ZNF678: variants seen among roughly 807,000 people sequenced by gnomAD.
The protein encoded by ZNF678 is zinc finger protein 678, also known as hypothetical protein MGC42493.
Under a neutral mutation model 3.0 loss-of-function variants are expected in ZNF678, and 5 were observed. The observed-to-expected ratio is 1.69, with a 90% CI of 0.88 to 3.56. The LOEUF is 3.56. Among genes scored for constraint, ZNF678 ranks in the 30% most tolerant of loss-of-function variants. The probability of loss-of-function intolerance (pLI) is 0.00; values close to 1 mark genes in which losing one functional copy is unlikely to be tolerated. For synonymous variants in ZNF678, 218 were observed against 199.6 expected (o/e 1.09, Z -0.78); for missense variants, 593 against 605.0 (o/e 0.98, Z 0.21).
At chr1:227,625,188 C>A (rs1354377714) in intron 1 of ZNF678, among the ~76,000 whole-genome samples, 2 of 152,154 alleles carry the variant, frequency 1.3e-5, no homozygotes, top group Admixed American at 6.5e-5. Context: ...TTACAAGCCC[C>A]GTGTTTAAAG....
intron 5 of ZNF678, among the ~76,000 whole-genome samples, chr1:227,671,935 C>G (rs1558164919): frequency 1.3e-5 from 2 of 152,114 alleles, no homozygotes; most frequent in Non-Finnish European, 2.9e-5. Flanking sequence ...AAAAGAGGTG[C>G]TTGCAGAGGA....
At chr1:227,592,347 A>G (rs1657438603) in intron 1 of ZNF678, among the ~76,000 whole-genome samples, 1 of 152,230 alleles carries the variant, frequency 6.6e-6, no homozygotes, top group African/African-American at 2.4e-5. Context: ...TTGTGCTAAC[A>G]GGGCCATTGC....
At position 227,656,502 on chromosome 1, in the gene ZNF678, A is replaced by G. The variant is rs1273318925; in HGVS notation, c.*674A>G. The G allele has an allele frequency of 1.3e-5, 2 of 151,834 alleles. No individual in the cohort carries two copies. Among genetic ancestry groups the G allele is most frequent in the Non-Finnish European group, 2.9e-5 (2 of 67,826 alleles). 9.4% of individuals were successfully genotyped at this position (151,834 alleles called of 1,614,324 possible). A position where few individuals can be genotyped will look rare whatever the true frequency, so the allele number is the denominator to read the frequency against. ...TTATATTTATTGTTTATGTTAAAGT[A>G]TGTGGTCAGTTGTTGCTGCATAAGA... On this transcript the variant is annotated 3_prime_UTR_variant, in exon 4 of 4. Transcript: ENST00000343776.
At chr1:227,579,861 CT>C (rs1189418978) in intron 1 of ZNF678, among the ~76,000 whole-genome samples, 1 of 152,212 alleles carries the variant, frequency 6.6e-6, no homozygotes, top group East Asian at 1.9e-4. Flanking sequence ...AAGTCTCCTA[CT>C]GGAGCAAGTT....
chr1:227,609,756 C>CAG (rs1657968075), intron 1 of ZNF678, among the ~76,000 whole-genome samples: 1 of 150,718 alleles, frequency 6.6e-6, no homozygotes, highest in African/African-American at 2.4e-5. Context: ...CTCTTTGAGA[C>CAG]AGAGCCTCAC....
At position 227,655,859 on chromosome 1, in the gene ZNF678, T is replaced by G. The variant is rs1484314648; in HGVS notation, c.*31T>G. The G allele has an allele frequency of 6.5e-7, 1 of 1,527,526 alleles. No homozygotes were observed. The highest frequency in any genetic ancestry group is 2.2e-5 in the Admixed American group (1 of 45,510). 94.6% of individuals were successfully genotyped at this position (1,527,526 alleles called of 1,614,324 possible). On this transcript the variant is annotated 3_prime_UTR_variant, in exon 4 of 4. Transcript: ENST00000343776. ...GCTTCATTATACATGGCTTCACTAA[T>G]TTCATACTGAATAAAAGTGGTATGA... is the stretch of plus-strand genomic sequence containing the variant.
rs147871992 is a variant in ZNF678, at chr1:227,657,477, C to G, written c.*1649C>G. ...CTTTTGTAAATACTGGACAATGATA[C>G]TCTTATATAATCTTCAGTATAACCA... On this transcript the variant is annotated 3_prime_UTR_variant, in exon 4 of 4. Transcript: ENST00000343776. 1 of 151,902 alleles carries G rather than the reference C, an allele frequency of 6.6e-6. No homozygotes were observed. The highest frequency in any genetic ancestry group is 1.9e-4 in the East Asian group (1 of 5,164). 9.4% of individuals were successfully genotyped at this position (151,902 alleles called of 1,614,324 possible).
At chr1:227,568,583 G>A (rs966803319) in intron 1 of ZNF678, among the ~76,000 whole-genome samples, 2 of 152,110 alleles carry the variant, frequency 1.3e-5, no homozygotes, top group Non-Finnish European at 2.9e-5. Context: ...CTTTCATTTG[G>A]CTGTTTTGAG....
At chr1:227,569,892 CCT>C (rs1656792017) in intron 1 of ZNF678, among the ~76,000 whole-genome samples, 1 of 152,050 alleles carries the variant, frequency 6.6e-6, no homozygotes, top group Non-Finnish European at 1.5e-5. Flanking sequence ...GGAGCAAACA[CCT>C]CTTTTCATTT....
chr1:227,603,690 A>G (rs945709272), intron 1 of ZNF678, among the ~76,000 whole-genome samples: 16 of 152,292 alleles, frequency 1.1e-4, no homozygotes, highest in African/African-American at 3.8e-4. Flanking sequence ...TGCCTTGTCC[A>G]CTTGAGCTCT....
chr1:227,645,265 A>G (rs1658926029), intron 1 of ZNF678, among the ~76,000 whole-genome samples: 1 of 152,180 alleles, frequency 6.6e-6, no homozygotes, highest in Non-Finnish European at 1.5e-5. Flanking sequence ...ATTTGTCCAG[A>G]TAATCTCATC....
At chr1:227,641,686 C>T (rs576539751) in intron 1 of ZNF678, among the ~76,000 whole-genome samples, 2 of 151,676 alleles carry the variant, frequency 1.3e-5, no homozygotes, top group Admixed American at 6.6e-5. Context: ...CAAAATATTG[C>T]ACAATTTTTA....
chr1:227,588,720 G>GTCT (rs1657329292), intron 1 of ZNF678, among the ~76,000 whole-genome samples: 1 of 151,878 alleles, frequency 6.6e-6, no homozygotes, highest in African/African-American at 2.4e-5. Flanking sequence ...GGCCAGGCTG[G>GTCT]TCTTGAACTC....
rs142806543 is a variant in ZNF678, at chr1:227,624,933, C to A, written c.-163-21611C>A. On this transcript the variant is annotated intron_variant, in intron 1 of 3. Coordinates refer to ENST00000343776, the MANE Select transcript of ZNF678 (RefSeq NM_001367909.1). ...AGCTCAGCTCGAGCCGCAACAAACG[C>A]GGACCGGAAGAGTGTGCAGTTGCAA... Among the ~76,000 whole-genome samples the A allele has an allele frequency of 6.3e-4, 96 of 152,274 alleles. 2 individuals carry two copies. Among genetic ancestry groups the A allele is most frequent in the African/African-American group, 2.0e-3 (83 of 41,564 alleles).
chr1:227,651,180 A>G (rs1659083692), intron 3 of ZNF678, 104 bp downstream of exon 3: 1 of 1,299,184 alleles, frequency 7.7e-7, no homozygotes, highest in Admixed American at 2.1e-5. Context: ...CAGGGTCCAC[A>G]ATGGGGTCTG....
At chr1:227,572,752 CAG>C (rs1656882739) in intron 1 of ZNF678, among the ~76,000 whole-genome samples, 1 of 152,230 alleles carries the variant, frequency 6.6e-6, no homozygotes, top group African/African-American at 2.4e-5. Flanking sequence ...CTTGTGGCCA[CAG>C]AGAGGCAATG....
At chr1:227,570,593 T>G (rs952468806) in intron 1 of ZNF678, among the ~76,000 whole-genome samples, 3 of 152,134 alleles carry the variant, frequency 2.0e-5, no homozygotes, top group South Asian at 2.1e-4. Context: ...CTCAGTCTTC[T>G]GAATGGAGGG....
At chr1:227,568,762 T>C (rs1015559365) in intron 1 of ZNF678, among the ~76,000 whole-genome samples, 1 of 152,158 alleles carries the variant, frequency 6.6e-6, no homozygotes, top group Non-Finnish European at 1.5e-5. Flanking sequence ...GTGTGGGCAG[T>C]GATGTGGGAC....
chr1:227,610,699 C>G (rs972848268), intron 1 of ZNF678, among the ~76,000 whole-genome samples: 4 of 152,126 alleles, frequency 2.6e-5, no homozygotes, highest in African/African-American at 9.7e-5. Context: ...GGACCAAGCC[C>G]AAGTCTTTTG....
Sources: allele counts gnomAD v4.1 joint callset (sites outside exome capture counted in the v4.1 genomes callset), GRCh38; gene constraint gnomAD v4.1.1; transcripts MANE v1.5; gene names NCBI Gene and HGNC (gene_info 2026-07-23, HGNC 2026-07-21).